The following PPP2R2B variants were observed in gnomAD, a reference collection of about 807,000 sequenced individuals.
The protein encoded by PPP2R2B is protein phosphatase 2 regulatory subunit Bbeta.
In PPP2R2B, 5 loss-of-function variants were observed where a neutral mutation model predicts 46.0. The ratio of observed to expected loss-of-function variants is 0.11; its 90% confidence interval spans 0.06 to 0.23. The LOEUF is 0.23. Ranked by LOEUF, PPP2R2B falls within the 10% of genes least tolerant of loss-of-function variation. PPP2R2B has a pLI of 1.00. For synonymous variants in PPP2R2B, 215 were observed against 206.7 expected (o/e 1.04, Z -0.34); for missense variants, 367 against 575.0 (o/e 0.64, Z 3.70).
chr5:147,051,919 C>A (rs1756846648), intron 1 of PPP2R2B, among the ~76,000 whole-genome samples: 1 of 151,712 alleles, frequency 6.6e-6, no homozygotes, highest in Admixed American at 6.6e-5. Context: ...CCCACCACCA[C>A]ACCCAGCTTG....
At chr5:146,808,331 T>C (rs554405914) in intron 2 of PPP2R2B, among the ~76,000 whole-genome samples, 10 of 152,336 alleles carry the variant, frequency 6.6e-5, no homozygotes, top group African/African-American at 2.2e-4. Context: ...AGCACAGATA[T>C]AGAATATTTC....
intron 1 of PPP2R2B, among the ~76,000 whole-genome samples, chr5:146,996,534 TC>T (rs1246186416): frequency 2.0e-5 from 3 of 152,070 alleles, no homozygotes; most frequent in Non-Finnish European, 4.4e-5. Flanking sequence ...CTCCTGAAGA[TC>T]CCTAAATAGG....
rs186803351 is a variant in PPP2R2B, at chr5:146,890,343, C to A, written c.79+165322G>T. ...ACGGCTGTAGAGGTCAGGTTGGAAG[C>A]CTTTATGCTCAGTTCTATTATCTTT... On this transcript the variant is annotated intron_variant, in intron 1 of 8. Transcript: ENST00000336640. Among the ~76,000 whole-genome samples the A allele has an allele frequency of 1.3e-3, 197 of 152,290 alleles. 1 individual carries two copies. In the Middle Eastern group the frequency reaches 0.017, roughly 13 times the overall value.
At chr5:146,860,416 G>C (rs1241343064) in intron 2 of PPP2R2B, among the ~76,000 whole-genome samples, 1 of 152,090 alleles carries the variant, frequency 6.6e-6, no homozygotes, top group Non-Finnish European at 1.5e-5. Flanking sequence ...AACCAAGAAA[G>C]GAAATCAAGC....
intron 2 of PPP2R2B, among the ~76,000 whole-genome samples, chr5:146,734,004 G>A (rs1397984549): frequency 6.6e-6 from 1 of 151,758 alleles, no homozygotes; most frequent in Non-Finnish European, 1.5e-5. Flanking sequence ...ATTGTTTTAA[G>A]TGCTTTACAT....
chr5:146,947,127 G>A (rs1262922884), intron 1 of PPP2R2B, among the ~76,000 whole-genome samples: 2 of 152,156 alleles, frequency 1.3e-5, no homozygotes. Flanking sequence ...TCCATAATAT[G>A]AGGCAGATGC....
intron 2 of PPP2R2B, among the ~76,000 whole-genome samples, chr5:146,753,368 A>G (rs1753665525): frequency 1.3e-5 from 2 of 152,232 alleles, no homozygotes; most frequent in South Asian, 4.1e-4. Flanking sequence ...AATAGACAGT[A>G]TAGAACCTTA....
chr5:146,730,054 G>A (rs1752133280), intron 2 of PPP2R2B, among the ~76,000 whole-genome samples: 1 of 152,220 alleles, frequency 6.6e-6, no homozygotes, highest in Non-Finnish European at 1.5e-5. Context: ...ACCCATGAAA[G>A]CAGCCAGGAG....
intron 2 of PPP2R2B, among the ~76,000 whole-genome samples, chr5:146,860,862 T>C (rs758102882): frequency 4.6e-5 from 7 of 152,076 alleles, no homozygotes; most frequent in Non-Finnish European, 1.0e-4. Flanking sequence ...ATCAGAGATA[T>C]AGTCTTAGCT....
At chr5:146,690,648 T>G (rs1277489956) in intron 5 of PPP2R2B, among the ~76,000 whole-genome samples, 1 of 152,204 alleles carries the variant, frequency 6.6e-6, no homozygotes, top group African/African-American at 2.4e-5. Context: ...GTTTTGCAGA[T>G]GGAGAAATTA....
At chr5:146,827,716 T>C (rs1045708784) in intron 2 of PPP2R2B, among the ~76,000 whole-genome samples, 1 of 152,190 alleles carries the variant, frequency 6.6e-6, no homozygotes, top group East Asian at 1.9e-4. Flanking sequence ...ATCGACTCCA[T>C]GCACAGCATT....
At chr5:146,793,935 C>T (rs912906406) in intron 2 of PPP2R2B, among the ~76,000 whole-genome samples, 4 of 152,184 alleles carry the variant, frequency 2.6e-5, no homozygotes, top group Admixed American at 6.5e-5. Flanking sequence ...TCACTAGATG[C>T]AGCTTTCTAG....
chr5:146,815,041 G>A (rs981703014), intron 2 of PPP2R2B, among the ~76,000 whole-genome samples: 10 of 152,236 alleles, frequency 6.6e-5, no homozygotes, highest in African/African-American at 2.2e-4. Flanking sequence ...GATACGTTCC[G>A]CTGCTAACAC....
At chr5:146,968,304 T>C (rs1339618286) in intron 1 of PPP2R2B, among the ~76,000 whole-genome samples, 2 of 152,226 alleles carry the variant, frequency 1.3e-5, no homozygotes, top group Admixed American at 1.3e-4. Flanking sequence ...GTTCATGTTT[T>C]CATATATTTA....
At chr5:146,752,681 T>C (rs1436350015) in intron 2 of PPP2R2B, among the ~76,000 whole-genome samples, 3 of 152,200 alleles carry the variant, frequency 2.0e-5, no homozygotes, top group Non-Finnish European at 4.4e-5. Context: ...TGTGTAGTTC[T>C]TTTCAGAGCA....
intron 7 of PPP2R2B, among the ~76,000 whole-genome samples, chr5:146,616,350 G>A (rs995763107): frequency 1.3e-5 from 2 of 152,072 alleles, no homozygotes; most frequent in South Asian, 2.1e-4. Flanking sequence ...GGGATACCCC[G>A]CAAGCACAAG....
At position 146,580,837 on chromosome 5, in the gene PPP2R2B, G is replaced by A. The variant is rs919923363; in HGVS notation, c.*9110C>T. ...TCTCCAGAGTTTCTCTTGGGACACC[G>A]TGGGATTCATTTGAGAACAATGGAG... On this transcript the variant is annotated 3_prime_UTR_variant, in exon 10 of 10. Transcript: ENST00000394411. 8.5e-5 allele frequency among the ~76,000 whole-genome samples: 13 copies of A among 152,080 alleles called. No homozygotes were observed. Among genetic ancestry groups the A allele is most frequent in the South Asian group, 2.1e-4 (1 of 4,824 alleles).
At chr5:147,023,553 C>T (rs1755386667) in intron 1 of PPP2R2B, among the ~76,000 whole-genome samples, 1 of 152,028 alleles carries the variant, frequency 6.6e-6, no homozygotes, top group South Asian at 2.1e-4. Context: ...ATGATGTAAA[C>T]AATAATCATA....
intron 1 of PPP2R2B, among the ~76,000 whole-genome samples, chr5:147,046,564 T>G (rs1255601781): frequency 1.3e-5 from 2 of 152,168 alleles, no homozygotes; most frequent in Non-Finnish European, 2.9e-5. Context: ...AGGAATTGCC[T>G]TGGGGCACAA....
Sources: allele counts gnomAD v4.1 joint callset (sites outside exome capture counted in the v4.1 genomes callset), GRCh38; gene constraint gnomAD v4.1.1; transcripts MANE v1.5; gene names NCBI Gene and HGNC (gene_info 2026-07-23, HGNC 2026-07-21).